SULF1: variants seen among roughly 807,000 people sequenced by gnomAD.
SULF1 encodes the protein sulfatase 1, also known as extracellular sulfatase Sulf-1.
A neutral mutation model predicts 110.5 loss-of-function variants in SULF1; 46 were observed. That is an observed-to-expected ratio of 0.42 (90% CI 0.33 to 0.53). The LOEUF is 0.53. Ranked by LOEUF, SULF1 falls within the 20% of genes least tolerant of loss-of-function variation. The pLI, the probability that SULF1 is intolerant of heterozygous loss-of-function variation, is 0.12. For synonymous variants in SULF1, 371 were observed against 387.1 expected (o/e 0.96, Z 0.49); for missense variants, 941 against 1,094.2 (o/e 0.86, Z 1.98).
At chr8:69,544,376 C>T (rs1814099568) in intron 3 of SULF1, among the ~76,000 whole-genome samples, 1 of 152,040 alleles carries the variant, frequency 6.6e-6, no homozygotes, top group South Asian at 2.1e-4. Context: ...TCAGGCGATT[C>T]TCCTACCTCA....
chr8:69,572,565 G>A (rs919199364), intron 5 of SULF1, among the ~76,000 whole-genome samples: 1 of 152,100 alleles, frequency 6.6e-6, no homozygotes, highest in African/African-American at 2.4e-5. Context: ...ACCCACTACA[G>A]TCTCTTCCAG....
intron 8 of SULF1, among the ~76,000 whole-genome samples, chr8:69,591,094 T>A (rs1020394802): frequency 2.0e-5 from 3 of 152,144 alleles, no homozygotes; most frequent in African/African-American, 7.2e-5. Context: ...GTTTTGTGGC[T>A]CCTTAAAAGT....
intron 13 of SULF1, among the ~76,000 whole-genome samples, chr8:69,616,390 GTTTC>G (rs1809146081): frequency 6.7e-6 from 1 of 149,452 alleles, no homozygotes; most frequent in Non-Finnish European, 1.5e-5. Flanking sequence ...GCTAATTTTT[GTTTC>G]TTTGTTTTTT....
At position 69,504,033 on chromosome 8, in the gene SULF1, C is replaced by T. The variant is rs564162054; in HGVS notation, c.-134+2065C>T. On this transcript the variant is annotated intron_variant, in intron 3 of 22. Coordinates refer to ENST00000402687, the MANE Select transcript of SULF1 (RefSeq NM_001128205.2). ...CAGGATGGTCTCGATCTCTTGACCT[C>T]GTGATCTGCCAGCCTCAGCCTCCCA... is the stretch of plus-strand genomic sequence containing the variant. 1.3e-4 allele frequency among the ~76,000 whole-genome samples: 20 copies of T among 152,068 alleles called. No individual in the cohort carries two copies. In the South Asian group the frequency reaches 1.5e-3, roughly 11 times the overall value.
At chr8:69,631,084 G>T (rs1426645349) in intron 19 of SULF1, among the ~76,000 whole-genome samples, 3 of 152,196 alleles carry the variant, frequency 2.0e-5, no homozygotes, top group South Asian at 2.1e-4. Flanking sequence ...TGAAATTTAG[G>T]CTGAAACCTA....
At chr8:69,544,281 T>G (rs943299357) in intron 3 of SULF1, among the ~76,000 whole-genome samples, 2 of 151,828 alleles carry the variant, frequency 1.3e-5, no homozygotes, top group African/African-American at 2.4e-5. Flanking sequence ...TTGTTTGTTT[T>G]TTTTTGAGAT....
intron 13 of SULF1, among the ~76,000 whole-genome samples, chr8:69,607,784 T>C (rs1202404568): frequency 1.3e-5 from 2 of 152,140 alleles, no homozygotes; most frequent in African/African-American, 4.8e-5. Flanking sequence ...AAGAAGAAAA[T>C]TCAGAATAAT....
chr8:69,568,587 A>T (rs1804976979), intron 5 of SULF1, among the ~76,000 whole-genome samples: 1 of 152,222 alleles, frequency 6.6e-6, no homozygotes, highest in African/African-American at 2.4e-5. Flanking sequence ...AAAGATCATC[A>T]TCCCAGGAGG....
At chr8:69,565,538 G>A (rs971728715) in intron 5 of SULF1, among the ~76,000 whole-genome samples, 5 of 151,932 alleles carry the variant, frequency 3.3e-5, no homozygotes, top group Admixed American at 6.6e-5. Flanking sequence ...CCCATCCATC[G>A]CTTTTGCTAC....
chr8:69,521,258 T>C (rs370915837), intron 3 of SULF1, among the ~76,000 whole-genome samples: 4 of 152,326 alleles, frequency 2.6e-5, no homozygotes, highest in African/African-American at 9.6e-5. Flanking sequence ...CCAAGCCCTG[T>C]TCTAGGCATG....
chr8:69,554,978 C>CAAAAAAAAAAAAAAAAAAAAAAAAAAAA, intron 3 of SULF1, among the ~76,000 whole-genome samples: 1 of 63,494 alleles, frequency 1.6e-5, no homozygotes, highest in Non-Finnish European at 2.6e-5. Flanking sequence ...GATTCCATCT[C>CAAAAAAAAAAAAAAAAAAAAAAAAAAAA]AAAAAAAAAA....
intron 1 of SULF1, among the ~76,000 whole-genome samples, chr8:69,495,396 T>TAA (rs917066359): frequency 6.7e-6 from 1 of 149,906 alleles, no homozygotes; most frequent in Non-Finnish European, 1.5e-5. Flanking sequence ...CCTGGCTCTT[T>TAA]AAAAAAAAAA....
At chr8:69,505,201 G>A (rs1385779328) in intron 3 of SULF1, among the ~76,000 whole-genome samples, 5 of 152,122 alleles carry the variant, frequency 3.3e-5, no homozygotes, top group African/African-American at 1.2e-4. Flanking sequence ...ACACCAAAAG[G>A]ACAATTAAAT....
At chr8:69,641,080 T>G in intron 22 of SULF1, 3 of 387,046 alleles carry the variant, frequency 7.8e-6, no homozygotes, top group Non-Finnish European at 1.4e-5. Context: ...CCATGCTTGT[T>G]TGCTTGTTGG....
chr8:69,533,068 T>A (rs1813206689), intron 3 of SULF1, among the ~76,000 whole-genome samples: 1 of 152,224 alleles, frequency 6.6e-6, no homozygotes, highest in Admixed American at 6.5e-5. Context: ...TTATTGCCTC[T>A]AATAGTTTTC....
At chr8:69,521,854 A>G (rs973903979) in intron 3 of SULF1, among the ~76,000 whole-genome samples, 28 of 152,056 alleles carry the variant, frequency 1.8e-4, no homozygotes, top group African/African-American at 1.2e-4. Flanking sequence ...AAAAAAAAAA[A>G]AAAGAAACAG....
At chr8:69,535,450 G>A (rs1254373813) in intron 3 of SULF1, among the ~76,000 whole-genome samples, 2 of 151,848 alleles carry the variant, frequency 1.3e-5, no homozygotes, top group African/African-American at 4.8e-5. Flanking sequence ...GGAGAGAGGA[G>A]GAGGTGCAAC....
intron 3 of SULF1, among the ~76,000 whole-genome samples, chr8:69,504,181 A>G (rs576172078): frequency 6.6e-6 from 1 of 152,150 alleles, no homozygotes; most frequent in South Asian, 2.1e-4. Context: ...CTAATGTGTG[A>G]TTTCACCACT....
At chr8:69,522,334 C>T (rs548251581) in intron 3 of SULF1, among the ~76,000 whole-genome samples, 2 of 152,208 alleles carry the variant, frequency 1.3e-5, no homozygotes, top group African/African-American at 2.4e-5. Context: ...CATGAGCCAC[C>T]GTGCTCAGCC....
Sources: allele counts gnomAD v4.1 joint callset (sites outside exome capture counted in the v4.1 genomes callset), GRCh38; gene constraint gnomAD v4.1.1; transcripts MANE v1.5; gene names NCBI Gene and HGNC (gene_info 2026-07-23, HGNC 2026-07-21).